The following SMAP1 variants were observed in gnomAD, a reference collection of about 807,000 sequenced individuals.
The protein encoded by SMAP1 is stromal membrane-associated protein 1.
SMAP1 carries 24 observed loss-of-function variants against 58.5 expected under a neutral mutation model. That is an observed-to-expected ratio of 0.41 (90% CI 0.30 to 0.58). SMAP1 has a LOEUF of 0.58. Ranked by LOEUF, SMAP1 falls within the 20% of genes least tolerant of loss-of-function variation. The pLI, the probability that SMAP1 is intolerant of heterozygous loss-of-function variation, is 0.29. For synonymous variants in SMAP1, 216 were observed against 196.6 expected (o/e 1.10, Z -0.82); for missense variants, 563 against 566.3 (o/e 0.99, Z 0.06).
At chr6:70,791,175 C>G (rs181461320) in intron 4 of SMAP1, among the ~76,000 whole-genome samples, 7 of 152,178 alleles carry the variant, frequency 4.6e-5, no homozygotes, top group Admixed American at 4.6e-4. Context: ...CTCTTCTTTT[C>G]TCCTAGCTTT....
At chr6:70,839,135 TACAACATTAA>T (rs1770709696) in intron 7 of SMAP1, among the ~76,000 whole-genome samples, 1 of 152,180 alleles carries the variant, frequency 6.6e-6, no homozygotes, top group African/African-American at 2.4e-5. Context: ...TTCAACAGCT[TACAACATTAA>T]ACATCTGTTT....
At position 70,745,314 on chromosome 6, in the gene SMAP1, A is replaced by G. The variant is rs1474186976; in HGVS notation, c.253-9666A>G. 3.9e-5 allele frequency among the ~76,000 whole-genome samples: 6 copies of G among 152,312 alleles called. No homozygotes were observed. The East Asian group carries it at 9.6e-4, about 24-fold the overall frequency. ...GGGTTTTTATGGTTTTAGGTCTAACATGTAAGTCTTTAATCCATCTTGAAT... is the reference window on the plus strand; with the variant it reads ...GGGTTTTTATGGTTTTAGGTCTAACGTGTAAGTCTTTAATCCATCTTGAAT... On this transcript the variant is annotated intron_variant, in intron 2 of 10. Transcript: ENST00000370455.
intron 1 of SMAP1, among the ~76,000 whole-genome samples, chr6:70,684,460 T>A (rs1294658395): frequency 6.6e-6 from 1 of 152,234 alleles, no homozygotes; most frequent in African/African-American, 2.4e-5. Context: ...GGATAAACTT[T>A]AAGACCATCA....
chr6:70,768,154 G>C (rs1562145507), intron 3 of SMAP1, among the ~76,000 whole-genome samples: 1 of 152,198 alleles, frequency 6.6e-6, no homozygotes, highest in Non-Finnish European at 1.5e-5. Context: ...CGGTTTGCCA[G>C]TATTTTACTG....
intron 8 of SMAP1, 156 bp from the exon 9 acceptor site, chr6:70,856,703 C>T (rs1771439647): frequency 1.6e-6 from 1 of 629,544 alleles, no homozygotes. Flanking sequence ...TTTATATGGG[C>T]TTGGGCTTGT....
chr6:70,721,688 T>G (rs1768534192), intron 1 of SMAP1, among the ~76,000 whole-genome samples: 1 of 152,188 alleles, frequency 6.6e-6, no homozygotes, highest in Non-Finnish European at 1.5e-5. Flanking sequence ...AAAAGTGGTT[T>G]AATTGGACTT....
At chr6:70,713,342 G>C (rs926315311) in intron 1 of SMAP1, among the ~76,000 whole-genome samples, 4 of 151,524 alleles carry the variant, frequency 2.6e-5, no homozygotes, top group African/African-American at 9.7e-5. Flanking sequence ...AGCTCCTTGA[G>C]GTGTATAGTT....
At position 70,809,293 on chromosome 6, in the gene SMAP1, T is replaced by G. The variant is rs376515234; in HGVS notation, c.576+10556T>G. 5.3e-5 allele frequency among the ~76,000 whole-genome samples: 8 copies of G among 152,262 alleles called. No homozygotes were observed. The East Asian group carries it at 1.4e-3, about 26-fold the overall frequency. On this transcript the variant is annotated intron_variant, in intron 6 of 10. Coordinates refer to ENST00000370455, the MANE Select transcript of SMAP1 (RefSeq NM_001044305.3). Reference sequence around the variant, plus strand: ...GGAGATAATGTAGATGAATAATGATTTAAAAAAAATTAGTTGGGAAAGAAA... The same window carrying G: ...GGAGATAATGTAGATGAATAATGATGTAAAAAAAATTAGTTGGGAAAGAAA...
chr6:70,842,919 C>A (rs1770855395), intron 7 of SMAP1, among the ~76,000 whole-genome samples: 1 of 152,044 alleles, frequency 6.6e-6, no homozygotes, highest in African/African-American at 2.4e-5. Flanking sequence ...TAAAAACTTG[C>A]CAGAAAATTC....
chr6:70,751,770 G>A (rs1766289054), intron 2 of SMAP1, among the ~76,000 whole-genome samples: 1 of 152,110 alleles, frequency 6.6e-6, no homozygotes, highest in African/African-American at 2.4e-5. Flanking sequence ...TATTAAAATA[G>A]TACTTAGGGT....
At chr6:70,715,584 C>A (rs371154756) in intron 1 of SMAP1, among the ~76,000 whole-genome samples, 1 of 152,140 alleles carries the variant, frequency 6.6e-6, no homozygotes, top group South Asian at 2.1e-4. Flanking sequence ...TCCCTTAAGT[C>A]AGCAGTCCCC....
Position 70,694,011 on chromosome 6 carries a change from G to A in SMAP1, c.118+25870G>A, listed in dbSNP as rs1212379898. On this transcript the variant is annotated intron_variant, in intron 1 of 10. Transcript: ENST00000370455. ...TGTGTTATTTTTAGCATTTTTAACA[G>A]ATGTGGTTTGTTCTTACCCTAATCT... 6.2e-5 allele frequency: 10 copies of A among 160,584 alleles called. No homozygotes were observed. In the Admixed American group the frequency reaches 6.5e-4, roughly 10 times the overall value. The allele number at this position is 160,584 out of a possible 1,614,324, so 9.9% of individuals were successfully genotyped here. A position where few individuals can be genotyped will look rare whatever the true frequency, so the allele number is the denominator to read the frequency against.
At chr6:70,853,039 CT>C (rs1412844467) in intron 8 of SMAP1, among the ~76,000 whole-genome samples, 1 of 152,176 alleles carries the variant, frequency 6.6e-6, no homozygotes, top group Non-Finnish European at 1.5e-5. Context: ...ACTACCTCAA[CT>C]TTCCTGAGAT....
At chr6:70,750,620 A>C (rs1361107179) in intron 2 of SMAP1, among the ~76,000 whole-genome samples, 1 of 152,208 alleles carries the variant, frequency 6.6e-6, no homozygotes, top group African/African-American at 2.4e-5. Context: ...TCAGCAATTC[A>C]AAAAGTATTT....
At chr6:70,719,163 A>T (rs889961734) in intron 1 of SMAP1, among the ~76,000 whole-genome samples, 1 of 152,162 alleles carries the variant, frequency 6.6e-6, no homozygotes, top group Non-Finnish European at 1.5e-5. Flanking sequence ...ATGAAAAATG[A>T]TTTGTAGTTA....
At chr6:70,787,183 A>G (rs1768084890) in intron 4 of SMAP1, among the ~76,000 whole-genome samples, 1 of 152,246 alleles carries the variant, frequency 6.6e-6, no homozygotes, top group Non-Finnish European at 1.5e-5. Context: ...AAACCTGACA[A>G]AAGGAGCAAT....
At chr6:70,668,645 C>CT in intron 1 of SMAP1, 1 of 1,535,790 alleles carries the variant, frequency 6.5e-7, no homozygotes, top group Non-Finnish European at 8.7e-7. Flanking sequence ...CCCTACCTGC[C>CT]TGCCCACCTG....
rs192833014 is a variant in SMAP1, at chr6:70,827,649, A to G, written c.577-9292A>G. 3.4e-3 allele frequency among the ~76,000 whole-genome samples: 518 copies of G among 152,358 alleles called. 14 individuals carry two copies. The highest frequency in any genetic ancestry group is 0.028 in the Admixed American group (433 of 15,306). ...ACTGGAAGATTTTCTTACAGAGAGA[A>G]TGGACGTGTAAGAGAGATGTTACAG... On this transcript the variant is annotated intron_variant, in intron 6 of 10. Transcript: ENST00000370455.
At chr6:70,710,493 C>CAAAAAAAAA (rs35171922) in intron 1 of SMAP1, among the ~76,000 whole-genome samples, 1 of 75,302 alleles carries the variant, frequency 1.3e-5, no homozygotes, top group Non-Finnish European at 2.5e-5. Context: ...ACTCCCATCT[C>CAAAAAAAAA]AAAAAAAAAA....
Sources: gnomAD v4.1 joint callset for allele counts (sites outside exome capture counted in the v4.1 genomes callset) on GRCh38, gnomAD v4.1.1 for gene constraint, MANE v1.5 for transcripts, NCBI Gene and HGNC (gene_info 2026-07-23, HGNC 2026-07-21) for gene names.